WWOX: variants seen among roughly 807,000 people sequenced by gnomAD.
The protein encoded by WWOX is WW domain containing oxidoreductase.
A neutral mutation model predicts 46.2 loss-of-function variants in WWOX; 69 were observed. That is an observed-to-expected ratio of 1.49 (90% CI 1.23 to 1.82). The LOEUF (loss-of-function observed/expected upper bound fraction) is 1.82, where lower values mean the gene tolerates loss of function less well. Ranked by LOEUF, WWOX falls within the 40% of genes most tolerant of loss-of-function variation. WWOX has a pLI of 0.00. For missense variants in WWOX, 919 were observed against 542.6 expected (o/e 1.69, Z -6.89); for synonymous variants, 359 against 202.6 (o/e 1.77, Z -6.56).
At chr16:78,252,306 A>G (rs112287685) in intron 5 of WWOX, among the ~76,000 whole-genome samples, 18 of 152,348 alleles carry the variant, frequency 1.2e-4, no homozygotes, top group African/African-American at 4.1e-4. Flanking sequence ...GTGCATACAC[A>G]TACATTGTTT....
rs185527684 is a variant in WWOX at position 78,805,565 on chromosome 16, G to C, written c.1056+372813G>C. Among the ~76,000 whole-genome samples, 571 of 142,066 alleles carry C rather than the reference G, an allele frequency of 4.0e-3. 3 individuals carry two copies. Among genetic ancestry groups the C allele is most frequent in the African/African-American group, 0.017 (553 of 31,844 alleles). 93.2% of individuals were successfully genotyped at this position (142,066 alleles called of 152,430 possible). ...CCCAAAGTGCTGGGATTACAGGCGT[G>C]AGCTGACGCTCCCGGCCTACAGCAT... On this transcript the variant is annotated intron_variant, in intron 8 of 8. Transcript: ENST00000566780.
At chr16:79,090,590 G>A (rs182939517) in intron 8 of WWOX, among the ~76,000 whole-genome samples, 26 of 152,272 alleles carry the variant, frequency 1.7e-4, no homozygotes, top group Non-Finnish European at 3.5e-4. Flanking sequence ...ACAGGAAGAC[G>A]ATGCTGTATG....
intron 8 of WWOX, among the ~76,000 whole-genome samples, chr16:78,684,229 A>G (rs1358956535): frequency 6.6e-6 from 1 of 152,186 alleles, no homozygotes; most frequent in Non-Finnish European, 1.5e-5. Flanking sequence ...TTGCAGAGCA[A>G]ACTTCTGGAC....
At chr16:79,114,566 A>G (rs182224522) in intron 8 of WWOX, among the ~76,000 whole-genome samples, 1 of 152,074 alleles carries the variant, frequency 6.6e-6, no homozygotes, top group African/African-American at 2.4e-5. Flanking sequence ...TGGCAAGGAT[A>G]TGTTCTGCCC....
chr16:78,840,356 G>A (rs1480068601), intron 8 of WWOX, among the ~76,000 whole-genome samples: 2 of 152,132 alleles, frequency 1.3e-5, no homozygotes, highest in Admixed American at 6.5e-5. Flanking sequence ...GGAGGCATGA[G>A]GCATGGTAAG....
intron 8 of WWOX, among the ~76,000 whole-genome samples, chr16:79,167,175 C>T (rs184588926): frequency 1.3e-5 from 2 of 152,110 alleles, no homozygotes; most frequent in African/African-American, 4.8e-5. Flanking sequence ...CTCATGTGCT[C>T]GAGCAATCCA....
At chr16:78,277,983 C>G (rs565789103) in intron 5 of WWOX, among the ~76,000 whole-genome samples, 2 of 152,050 alleles carry the variant, frequency 1.3e-5, no homozygotes, top group Non-Finnish European at 2.9e-5. Flanking sequence ...TTTTTGATAA[C>G]CAAGGTGATG....
chr16:79,185,932 C>T (rs1241682614), intron 8 of WWOX, among the ~76,000 whole-genome samples: 2 of 151,842 alleles, frequency 1.3e-5, no homozygotes, highest in African/African-American at 4.8e-5. Flanking sequence ...ACATTTAGAA[C>T]AGATGCCATG....
At chr16:78,700,890 A>G (rs1203773710) in intron 8 of WWOX, among the ~76,000 whole-genome samples, 1 of 152,162 alleles carries the variant, frequency 6.6e-6, no homozygotes, top group Non-Finnish European at 1.5e-5. Context: ...ACCAACCCAA[A>G]GGGCTATGGT....
At chr16:78,343,306 C>T (rs1464829553) in intron 5 of WWOX, among the ~76,000 whole-genome samples, 1 of 120,538 alleles carries the variant, frequency 8.3e-6, no homozygotes, top group Non-Finnish European at 2.0e-5. Context: ...TAATCCATAA[C>T]CCACCGCCAC....
chr16:78,652,037 T>A (rs1000654151), intron 8 of WWOX, among the ~76,000 whole-genome samples: 1 of 152,002 alleles, frequency 6.6e-6, no homozygotes, highest in African/African-American at 2.4e-5. Context: ...CCTAGGACTG[T>A]TTTAAAGGAA....
chr16:78,405,894 T>C (rs1238148781), intron 6 of WWOX, among the ~76,000 whole-genome samples: 2 of 152,164 alleles, frequency 1.3e-5, no homozygotes, highest in Non-Finnish European at 2.9e-5. Context: ...AAGTGAGTTT[T>C]CCCTGTCACG....
At position 78,911,079 on chromosome 16, in the gene WWOX, C is replaced by G. The variant is rs371349988; in HGVS notation, c.1057-300529C>G. ...CTTCCATCCCCATGTGTGGCTCTCC[C>G]CAGGGCCTCCCTTCTTGTTCTCCCC... On this transcript the variant is annotated intron_variant, in intron 8 of 8. Coordinates refer to ENST00000566780, the MANE Select transcript of WWOX (RefSeq NM_016373.4). Among the ~76,000 whole-genome samples the G allele has an allele frequency of 1.7e-3, 265 of 152,110 alleles. 1 individual carries two copies. The highest frequency in any genetic ancestry group is 6.1e-3 in the African/African-American group (253 of 41,562).
At chr16:79,046,638 C>T (rs748884988) in intron 8 of WWOX, among the ~76,000 whole-genome samples, 8 of 152,086 alleles carry the variant, frequency 5.3e-5, no homozygotes, top group African/African-American at 7.2e-5. Context: ...TCTGTCTCAC[C>T]AGGAGGACTC....
chr16:78,310,292 T>C (rs1309120864), intron 5 of WWOX, among the ~76,000 whole-genome samples: 2 of 152,220 alleles, frequency 1.3e-5, no homozygotes, highest in Non-Finnish European at 2.9e-5. Context: ...AACGTGTGCT[T>C]CTGGGCTTTG....
At chr16:79,189,259 T>C (rs1377782295) in intron 8 of WWOX, among the ~76,000 whole-genome samples, 2 of 152,058 alleles carry the variant, frequency 1.3e-5, no homozygotes, top group Non-Finnish European at 1.5e-5. Flanking sequence ...TCTTTTTTTT[T>C]TCTTTTTGTT....
intron 8 of WWOX, among the ~76,000 whole-genome samples, chr16:78,458,920 C>A (rs7195517): frequency 1.3e-5 from 2 of 152,086 alleles, no homozygotes; most frequent in African/African-American, 4.8e-5. Flanking sequence ...TCATTTCCAA[C>A]AATATTCATT....
Position 78,846,047 on chromosome 16 carries a change from G to A in WWOX, c.1057-365561G>A, listed in dbSNP as rs116088175. On this transcript the variant is annotated intron_variant, in intron 8 of 8. Coordinates refer to ENST00000566780, the MANE Select transcript of WWOX (RefSeq NM_016373.4). ...CACTGCACAGGATGGAAAGCATGGA[G>A]TTTGGAATCTGGCACAAGTGGATTT... Among the ~76,000 whole-genome samples the A allele has an allele frequency of 9.6e-3, 1,463 of 152,278 alleles. 26 individuals are homozygous for A. Among genetic ancestry groups the A allele is most frequent in the African/African-American group, 0.034 (1,399 of 41,542 alleles).
intron 5 of WWOX, among the ~76,000 whole-genome samples, chr16:78,190,467 T>C (rs1476262542): frequency 6.6e-6 from 1 of 152,194 alleles, no homozygotes; most frequent in Non-Finnish European, 1.5e-5. Flanking sequence ...CCAGTATACC[T>C]AGTGACTCTC....
Sources: allele counts gnomAD v4.1 joint callset (sites outside exome capture counted in the v4.1 genomes callset), GRCh38; gene constraint gnomAD v4.1.1; transcripts MANE v1.5; gene names NCBI Gene and HGNC (gene_info 2026-07-23, HGNC 2026-07-21).